AGBL4: variants seen among roughly 807,000 people sequenced by gnomAD.
AGBL4 encodes the protein cytosolic carboxypeptidase 6.
In AGBL4, 58 loss-of-function variants were observed where a neutral mutation model predicts 66.4. The observed-to-expected ratio is 0.87, with a 90% CI of 0.71 to 1.09. The LOEUF is 1.09. Ranked by LOEUF, AGBL4 falls within the 50% of genes least tolerant of loss-of-function variation. The pLI is 0.00. For synonymous variants in AGBL4, 234 were observed against 222.9 expected (o/e 1.05, Z -0.44); for missense variants, 579 against 631.0 (o/e 0.92, Z 0.88).
intron 3 of AGBL4, among the ~76,000 whole-genome samples, chr1:49,585,001 T>G (rs1644620855): frequency 6.6e-6 from 1 of 152,228 alleles, no homozygotes; most frequent in South Asian, 2.1e-4. Context: ...ACAGCCAATC[T>G]CTGGTTTATC....
intron 6 of AGBL4, among the ~76,000 whole-genome samples, chr1:48,679,827 C>A (rs912015431): frequency 1.2e-4 from 19 of 152,220 alleles, no homozygotes; most frequent in African/African-American, 4.1e-4. Flanking sequence ...CCTTCTAAAG[C>A]CCAATTTGTT....
chr1:49,307,191 C>G (rs2148454474), intron 3 of AGBL4, among the ~76,000 whole-genome samples: 1 of 152,266 alleles, frequency 6.6e-6, no homozygotes, highest in African/African-American at 2.4e-5. Context: ...GAAAGTCTGG[C>G]CCTTTTCCAA....
chr1:48,796,832 C>A (rs1378864136), intron 6 of AGBL4, among the ~76,000 whole-genome samples: 1 of 152,180 alleles, frequency 6.6e-6, no homozygotes, highest in Middle Eastern at 3.2e-3. Context: ...TGCCCCTGAT[C>A]AAGGCACAGA....
intron 9 of AGBL4, among the ~76,000 whole-genome samples, chr1:48,594,446 T>C (rs1257240080): frequency 1.3e-5 from 2 of 152,250 alleles, no homozygotes; most frequent in African/African-American, 4.8e-5. Flanking sequence ...TTATTTCTTA[T>C]TGACTTAGAG....
chr1:48,728,441 C>T (rs1294026321), intron 6 of AGBL4, among the ~76,000 whole-genome samples: 2 of 147,016 alleles, frequency 1.4e-5, no homozygotes, highest in Non-Finnish European at 3.0e-5. Context: ...TTTCCATTTT[C>T]AATCTTTTTA....
chr1:49,868,822 C>A (rs1287803503), intron 1 of AGBL4, among the ~76,000 whole-genome samples: 1 of 152,110 alleles, frequency 6.6e-6, no homozygotes, highest in African/African-American at 2.4e-5. Context: ...GAAGAGACAA[C>A]CTACAGAATG....
At chr1:49,494,005 T>G (rs1000646134) in intron 3 of AGBL4, among the ~76,000 whole-genome samples, 3 of 151,908 alleles carry the variant, frequency 2.0e-5, no homozygotes, top group Non-Finnish European at 2.9e-5. Flanking sequence ...GATAAGACTT[T>G]CGAAAACAGG....
chr1:49,802,695 T>C (rs1644890607), intron 2 of AGBL4, among the ~76,000 whole-genome samples: 2 of 152,178 alleles, frequency 1.3e-5, no homozygotes, highest in African/African-American at 4.8e-5. Context: ...AATGCTGGTA[T>C]ATCCAGTGCA....
chr1:49,395,727 A>ATG (rs1215872792), intron 3 of AGBL4, among the ~76,000 whole-genome samples: 2 of 143,176 alleles, frequency 1.4e-5, no homozygotes, highest in East Asian at 4.0e-4. Context: ...TGGTGCCAAA[A>ATG]TGTGTGTATA....
At chr1:48,608,022 G>C (rs541483456) in intron 9 of AGBL4, among the ~76,000 whole-genome samples, 2 of 152,172 alleles carry the variant, frequency 1.3e-5, no homozygotes, top group Non-Finnish European at 2.9e-5. Flanking sequence ...TATTCCCCAC[G>C]ATAAAATACT....
At chr1:50,014,988 A>G (rs558737036) in intron 1 of AGBL4, among the ~76,000 whole-genome samples, 1 of 152,224 alleles carries the variant, frequency 6.6e-6, no homozygotes, top group Non-Finnish European at 1.5e-5. Flanking sequence ...TCTGAGGAGA[A>G]AGGAAGAAAT....
intron 1 of AGBL4, among the ~76,000 whole-genome samples, chr1:49,932,769 C>A (rs890065316): frequency 1.3e-5 from 2 of 152,138 alleles, no homozygotes; most frequent in Non-Finnish European, 2.9e-5. Flanking sequence ...ATACCATTAT[C>A]AAACCCAACT....
the AGBL4 span, among the ~76,000 whole-genome samples, chr1:48,522,795 G>A: frequency 6.6e-6 from 1 of 152,008 alleles, no homozygotes; most frequent in African/African-American, 2.4e-5. Context: ...GCATGGTGGA[G>A]TGCACCTGTA....
At chr1:49,153,411 C>T (rs1646375169) in intron 4 of AGBL4, among the ~76,000 whole-genome samples, 1 of 152,074 alleles carries the variant, frequency 6.6e-6, no homozygotes, top group Non-Finnish European at 1.5e-5. Context: ...AATATTTAAA[C>T]ACACAATATA....
intron 1 of AGBL4, among the ~76,000 whole-genome samples, chr1:49,938,417 A>C (rs967228459): frequency 6.6e-6 from 1 of 152,208 alleles, no homozygotes; most frequent in African/African-American, 2.4e-5. Context: ...TACCAGAGGT[A>C]CAAGGAGGAA....
chr1:48,848,156 T>C lies in AGBL4; in HGVS notation c.634+19035A>G, dbSNP rs189442631. Among the ~76,000 whole-genome samples the C allele has an allele frequency of 4.2e-3, 641 of 152,350 alleles. 2 individuals are homozygous for C. The highest frequency in any genetic ancestry group is 6.5e-3 in the Non-Finnish European group (444 of 68,024). The stretch of plus-strand genomic sequence containing the variant: ...ACTGAGAAATCATATTCTTTCCTGT[T>C]TGGGCTCAGCCTATCTTGTCCCTGC... On this transcript the variant is annotated intron_variant, in intron 6 of 13. Transcript: ENST00000371839.
chr1:48,776,904 G>T (rs1413966774), intron 6 of AGBL4: 10 of 945,838 alleles, frequency 1.1e-5, no homozygotes, highest in East Asian at 6.6e-5. Flanking sequence ...GGATCCGGCG[G>T]GGGGCGCGAG....
chr1:49,845,629 C>A, intron 2 of AGBL4: 1 of 1,607,574 alleles, frequency 6.2e-7, no homozygotes, highest in Non-Finnish European at 8.5e-7. Context: ...ACCACTGATT[C>A]AGCACCAGAG....
intron 3 of AGBL4, among the ~76,000 whole-genome samples, chr1:49,604,191 C>T (rs188622896): frequency 3.9e-4 from 60 of 152,256 alleles, no homozygotes; most frequent in African/African-American, 1.3e-3. Flanking sequence ...ACACTCCCAC[C>T]GGGAGTGTAT....
Sources: allele counts gnomAD v4.1 joint callset (sites outside exome capture counted in the v4.1 genomes callset), GRCh38; gene constraint gnomAD v4.1.1; transcripts MANE v1.5; gene names NCBI Gene and HGNC (gene_info 2026-07-23, HGNC 2026-07-21).